The following CNTN3 variants were observed in gnomAD, a reference collection of about 807,000 sequenced individuals.
CNTN3 encodes contactin-3.
In CNTN3, 60 loss-of-function variants were observed where a neutral mutation model predicts 119.1. The ratio of observed to expected loss-of-function variants is 0.50; its 90% CI spans 0.41 to 0.62. The LOEUF (loss-of-function observed/expected upper bound fraction) is 0.62. Ranked by LOEUF, CNTN3 falls within the 20% of genes least tolerant of loss-of-function variation. The probability of loss-of-function intolerance (pLI) is 0.00; values close to 1 mark genes in which losing one functional copy is unlikely to be tolerated. For missense variants in CNTN3, 1,101 were observed against 1,242.4 expected, an observed-to-expected ratio of 0.89 and a Z score of 1.71; for synonymous variants, 450 against 438.7, an observed-to-expected ratio of 1.03 and a Z score of -0.32.
chr3:74,606,579 A>C (rs1193302707), intron 1 of CNTN3, among the ~76,000 whole-genome samples: 1 of 152,062 alleles, frequency 6.6e-6, no homozygotes, highest in Non-Finnish European at 1.5e-5. Context: ...GAATATAAAA[A>C]GTCAAAACTC....
At position 74,575,313 on chromosome 3, in the gene CNTN3, G is replaced by A. The variant is rs186200575; in HGVS notation, c.-81+39078C>T. ...GTCACCCAGGCTGGAGTGCACTGGCGTGATCTCGGCTCACTGCAACCTCTG... is the reference window on the plus strand; with the variant it reads ...GTCACCCAGGCTGGAGTGCACTGGCATGATCTCGGCTCACTGCAACCTCTG... On this transcript the variant is annotated intron_variant, in intron 1 of 22. Transcript: ENST00000263665. 1.1e-3 allele frequency among the ~76,000 whole-genome samples: 172 copies of A among 152,088 alleles called. 1 individual carries two copies. In the Middle Eastern group the frequency reaches 0.027, roughly 24 times the overall value.
intron 5 of CNTN3, among the ~76,000 whole-genome samples, chr3:74,379,744 G>C (rs768892601): frequency 1.2e-4 from 19 of 152,172 alleles, no homozygotes; most frequent in Middle Eastern, 3.4e-3. Context: ...GTAATGATGG[G>C]ACCAAATTCA....
intron 20 of CNTN3, among the ~76,000 whole-genome samples, chr3:74,282,644 A>C (rs1702036362): frequency 6.6e-6 from 1 of 152,176 alleles, no homozygotes; most frequent in Non-Finnish European, 1.5e-5. Context: ...CAAGGCAGAC[A>C]AGTAATTCTC....
chr3:74,266,535 T>C lies in CNTN3; in HGVS notation c.2932A>G (p.Thr978Ala), dbSNP rs1292177190. 1.9e-6 allele frequency: 3 copies of C among 1,613,544 alleles called. No individual in the cohort carries two copies. Among genetic ancestry groups the C allele is most frequent in the African/African-American group, 1.3e-5 (1 of 74,894 alleles). The change falls in exon 22 of 23, where the codon ACA (threonine) becomes GCA (alanine). Residue 978 changes from threonine to alanine, a missense_variant. Transcript: ENST00000263665. ...CTACTGGTCCCATCCCCTCCATCTG[T>C]TGTGGCCTTGACTTCAATAATGTAG... is the stretch of plus-strand genomic sequence containing the variant. ...EDYIIEVKAT[T>A]DGGDGTSSEQ...
intron 2 of CNTN3, among the ~76,000 whole-genome samples, chr3:74,503,430 G>C (rs949507045): frequency 6.6e-6 from 1 of 152,020 alleles, no homozygotes; most frequent in African/African-American, 2.4e-5. Context: ...AATCAAACGT[G>C]ACAGGTCAGT....
chr3:74,571,827 G>GT (rs1473086995), intron 1 of CNTN3, among the ~76,000 whole-genome samples: 36 of 152,134 alleles, frequency 2.4e-4, no homozygotes, highest in Non-Finnish European at 4.3e-4. Context: ...TATTAAAAAT[G>GT]TTTTATCACT....
At chr3:74,371,697 T>A (rs75689966) in intron 5 of CNTN3, among the ~76,000 whole-genome samples, 1 of 152,152 alleles carries the variant, frequency 6.6e-6, no homozygotes, top group East Asian at 1.9e-4. Flanking sequence ...CATATCTCCA[T>A]CCTGCCTCTA....
At chr3:74,349,873 T>A (rs1703774746) in intron 11 of CNTN3, among the ~76,000 whole-genome samples, 1 of 152,216 alleles carries the variant, frequency 6.6e-6, no homozygotes, top group Non-Finnish European at 1.5e-5. Flanking sequence ...ACATTTATAC[T>A]GGGCAAAGAT....
chr3:74,470,981 A>T (rs965234397), intron 4 of CNTN3, among the ~76,000 whole-genome samples: 2 of 151,882 alleles, frequency 1.3e-5, no homozygotes, highest in Admixed American at 6.6e-5. Flanking sequence ...GGTTCAAGCG[A>T]TTCTCCTGCC....
At chr3:74,366,305 C>T (rs1010007727) in intron 8 of CNTN3, among the ~76,000 whole-genome samples, 1 of 151,846 alleles carries the variant, frequency 6.6e-6, no homozygotes, top group Non-Finnish European at 1.5e-5. Context: ...GATTTTTTGC[C>T]AGAAAAAGAA....
intron 13 of CNTN3, among the ~76,000 whole-genome samples, chr3:74,308,490 C>T (rs1702609337): frequency 6.6e-6 from 1 of 152,178 alleles, no homozygotes; most frequent in African/African-American, 2.4e-5. Context: ...AAGAGTGACA[C>T]ATCAAAGATC....
intron 1 of CNTN3, among the ~76,000 whole-genome samples, chr3:74,559,468 G>C (rs1018273310): frequency 6.6e-6 from 1 of 152,118 alleles, no homozygotes; most frequent in African/African-American, 2.4e-5. Context: ...TTGGCGTGTG[G>C]CAGTTGCTGT....
chr3:74,563,652 G>C (rs563470868), intron 1 of CNTN3, among the ~76,000 whole-genome samples: 1 of 152,162 alleles, frequency 6.6e-6, no homozygotes, highest in South Asian at 2.1e-4. Context: ...CCTAGGCTCT[G>C]AAAAGGAAAT....
At position 74,274,515 on chromosome 3, in the gene CNTN3, G is replaced by C. The variant is rs148916329; in HGVS notation, c.2705-7137C>G. Reference sequence around the variant, plus strand: ...CAACCCCCAGTACAAGCCCGAGCCTGGTAGACATGCTGGGTGACTAGACCC... The same window carrying C: ...CAACCCCCAGTACAAGCCCGAGCCTCGTAGACATGCTGGGTGACTAGACCC... On this transcript the variant is annotated intron_variant, in intron 20 of 22. Transcript: ENST00000263665. Among the ~76,000 whole-genome samples the C allele has an allele frequency of 4.2e-3, 644 of 152,208 alleles. 3 individuals are homozygous for C. Among genetic ancestry groups the C allele is most frequent in the African/African-American group, 0.015 (614 of 41,524 alleles).
chr3:74,466,719 T>A (rs1702467369), intron 4 of CNTN3, among the ~76,000 whole-genome samples: 1 of 152,122 alleles, frequency 6.6e-6, no homozygotes, highest in Non-Finnish European at 1.5e-5. Context: ...TTAAAACAAA[T>A]TTAATAACTT....
At chr3:74,359,976 A>G (rs1278452051) in intron 11 of CNTN3, among the ~76,000 whole-genome samples, 1 of 152,210 alleles carries the variant, frequency 6.6e-6, no homozygotes, top group East Asian at 1.9e-4. Context: ...ATCACTAATT[A>G]ACCTCCTGTT....
intron 4 of CNTN3, among the ~76,000 whole-genome samples, chr3:74,453,023 A>C (rs912724953): frequency 6.6e-6 from 1 of 151,734 alleles, no homozygotes; most frequent in Non-Finnish European, 1.5e-5. Flanking sequence ...GGATGATGCT[A>C]GCCTCATAAA....
At chr3:74,613,799 C>T (rs1056793860) in intron 1 of CNTN3, among the ~76,000 whole-genome samples, 1 of 152,168 alleles carries the variant, frequency 6.6e-6, no homozygotes, top group Non-Finnish European at 1.5e-5. Flanking sequence ...CAGCTGAAAC[C>T]AGGGTCCGAG....
At chr3:74,584,014 G>A (rs1435783098) in intron 1 of CNTN3, among the ~76,000 whole-genome samples, 1 of 152,110 alleles carries the variant, frequency 6.6e-6, no homozygotes, top group Non-Finnish European at 1.5e-5. Flanking sequence ...TTGGACAAAT[G>A]GAGGGAACAA....
Sources: allele counts gnomAD v4.1 joint callset (sites outside exome capture counted in the v4.1 genomes callset), GRCh38; gene constraint gnomAD v4.1.1; transcripts MANE v1.5; gene names NCBI Gene and HGNC (gene_info 2026-07-23, HGNC 2026-07-21).